ADAMTS17: variants seen among roughly 807,000 people sequenced by gnomAD.
The protein encoded by ADAMTS17 is A disintegrin and metalloproteinase with thrombospondin motifs 17.
Under a neutral mutation model 141.5 loss-of-function variants are expected in ADAMTS17, and 113 were observed. That is an observed-to-expected ratio of 0.80 (90% confidence interval 0.69 to 0.93). ADAMTS17 has a LOEUF of 0.93. Ranked by LOEUF, ADAMTS17 falls within the 40% of genes least tolerant of loss-of-function variation. The probability of loss-of-function intolerance (pLI) is 0.00; values close to 1 mark genes in which losing one functional copy is unlikely to be tolerated. For synonymous variants in ADAMTS17, 768 were observed against 630.6 expected (o/e 1.22, Z -3.27); for missense variants, 1,659 against 1,517.9 (o/e 1.09, Z -1.54).
chr15:100,341,022 G>A lies in ADAMTS17; in HGVS notation c.450+17C>T. The A allele has an allele frequency of 1.3e-6, 2 of 1,523,570 alleles. No individual in the cohort carries two copies. The highest frequency in any genetic ancestry group is 1.8e-6 in the Non-Finnish European group (2 of 1,140,314). The allele number at this position is 1,523,570 out of a possible 1,614,324, so 94.4% of individuals were successfully genotyped here. On this transcript the variant is annotated intron_variant, in intron 2 of 21. Transcript: ENST00000268070. ...AACAGACCGGACGGGCCGACCCGGA[G>A]GTGGCGCGGGCAGTACCAGGCCGCC... is the stretch of plus-strand genomic sequence containing the variant.
chr15:100,325,850 A>G lies in ADAMTS17; in HGVS notation c.616+5039T>C, dbSNP rs2045883602. ...GTATTCCTTCAGGCAACACAAATCG[A>G]CTAACACAATAGCCATCTGCAAGCC... On this transcript the variant is annotated intron_variant, in intron 3 of 21. Transcript: ENST00000268070. Among the ~76,000 whole-genome samples the G allele has an allele frequency of 2.6e-5, 4 of 152,180 alleles. No homozygotes were observed. The South Asian group carries it at 8.3e-4, about 31-fold the overall frequency.
At chr15:100,086,936 A>G (rs2035142862) in intron 15 of ADAMTS17, among the ~76,000 whole-genome samples, 2 of 152,342 alleles carry the variant, frequency 1.3e-5, no homozygotes, top group African/African-American at 4.8e-5. Context: ...AAAGAACCAG[A>G]GAATCAAGAG....
intron 10 of ADAMTS17, among the ~76,000 whole-genome samples, chr15:100,142,934 T>C (rs2038729580): frequency 6.6e-6 from 1 of 152,238 alleles, no homozygotes; most frequent in Non-Finnish European, 1.5e-5. Context: ...GTGAATGCTA[T>C]GACATACAGG....
chr15:100,129,448 G>A (rs557380749), intron 12 of ADAMTS17: 1 of 152,458 alleles, frequency 6.6e-6, no homozygotes, highest in African/African-American at 2.4e-5. Context: ...GGCGCTATAA[G>A]AAGTCATGCT....
intron 18 of ADAMTS17, among the ~76,000 whole-genome samples, chr15:100,005,390 C>T (rs2061018081): frequency 6.6e-6 from 1 of 152,178 alleles, no homozygotes; most frequent in Admixed American, 6.5e-5. Flanking sequence ...CTCCTGGAGA[C>T]TCCAGGGAAG....
chr15:100,294,579 G>A lies in ADAMTS17; in HGVS notation c.617-13178C>T, dbSNP rs952727523. On this transcript the variant is annotated intron_variant, in intron 3 of 21. Coordinates refer to ENST00000268070, the MANE Select transcript of ADAMTS17 (RefSeq NM_139057.4). The stretch of plus-strand genomic sequence containing the variant: ...AAAAAAAAGCTGGGGATGGTGGCAC[G>A]TGCTTGTAGTCCCGGCGACTCAGGA... 1.6e-4 allele frequency among the ~76,000 whole-genome samples: 24 copies of A among 151,584 alleles called. 1 individual carries two copies. In the South Asian group the frequency reaches 1.9e-3, roughly 12 times the overall value.
At chr15:100,132,508 G>A (rs530885543) in intron 11 of ADAMTS17, among the ~76,000 whole-genome samples, 2 of 152,336 alleles carry the variant, frequency 1.3e-5, no homozygotes, top group South Asian at 2.1e-4. Flanking sequence ...GGCATGCCCC[G>A]GTTGAGGTTG....
intron 15 of ADAMTS17, among the ~76,000 whole-genome samples, chr15:100,083,174 T>C (rs564412637): frequency 1.4e-4 from 22 of 152,326 alleles, no homozygotes; most frequent in Admixed American, 2.0e-4. Flanking sequence ...AGGGCCTGGT[T>C]TGCCATACTC....
chr15:99,994,707 C>T (rs2060763456), intron 19 of ADAMTS17, among the ~76,000 whole-genome samples: 1 of 152,160 alleles, frequency 6.6e-6, no homozygotes, highest in African/African-American at 2.4e-5. Context: ...GCTGGGATTA[C>T]AGGCGCCCAT....
intron 8 of ADAMTS17, among the ~76,000 whole-genome samples, chr15:100,160,576 G>A (rs2039644310): frequency 6.6e-6 from 1 of 152,342 alleles, no homozygotes; most frequent in Non-Finnish European, 1.5e-5. Flanking sequence ...GAGACACACA[G>A]GATGGTTACA....
At chr15:100,264,243 C>T (rs2043631884) in intron 4 of ADAMTS17, among the ~76,000 whole-genome samples, 1 of 152,176 alleles carries the variant, frequency 6.6e-6, no homozygotes, top group Non-Finnish European at 1.5e-5. Flanking sequence ...GTCCTATCCC[C>T]AAGCCTGGGG....
intron 3 of ADAMTS17, among the ~76,000 whole-genome samples, chr15:100,300,447 C>T (rs775035581): frequency 3.3e-5 from 5 of 152,210 alleles, no homozygotes; most frequent in Admixed American, 6.5e-5. Flanking sequence ...TTCTGACCCA[C>T]AGTGATATGG....
chr15:100,141,434 TAA>T (rs539940829), intron 10 of ADAMTS17, among the ~76,000 whole-genome samples: 76 of 152,270 alleles, frequency 5.0e-4, no homozygotes, highest in South Asian at 3.5e-3. Context: ...GATGCTTATA[TAA>T]AGTCTCTCAA....
chr15:100,292,138 G>C (rs1366138930), intron 3 of ADAMTS17, among the ~76,000 whole-genome samples: 1 of 150,462 alleles, frequency 6.6e-6, no homozygotes, highest in East Asian at 2.0e-4. Flanking sequence ...CAGCCCGTGG[G>C]GAGTCACGAG....
At chr15:100,193,423 C>T (rs2040992196) in intron 8 of ADAMTS17, among the ~76,000 whole-genome samples, 1 of 152,098 alleles carries the variant, frequency 6.6e-6, no homozygotes, top group Non-Finnish European at 1.5e-5. Flanking sequence ...CAGCCGGGCT[C>T]AGCACTGGGG....
chr15:100,269,838 G>A (rs142565807), intron 4 of ADAMTS17, among the ~76,000 whole-genome samples: 60 of 152,184 alleles, frequency 3.9e-4, no homozygotes, highest in African/African-American at 1.3e-3. Flanking sequence ...TTGGAGACTC[G>A]GTCTTCATTT....
At chr15:100,003,972 A>C (rs2727124) in intron 18 of ADAMTS17, among the ~76,000 whole-genome samples, 12,606 of 152,214 alleles carry the variant, frequency 0.083, 1,616 homozygotes, top group African/African-American at 0.27. Context: ...GAATGTACTT[A>C]CTGCCACTGA....
At chr15:100,246,786 GC>G (rs1265011167) in intron 7 of ADAMTS17, among the ~76,000 whole-genome samples, 1 of 152,036 alleles carries the variant, frequency 6.6e-6, no homozygotes, top group Non-Finnish European at 1.5e-5. Flanking sequence ...TTTGCTACAG[GC>G]TAGTGATATT....
At position 100,152,370 on chromosome 15, in the gene ADAMTS17, C is replaced by T. The variant is rs554109857; in HGVS notation, c.1473+242G>A. Among the ~76,000 whole-genome samples, 9 of 151,896 alleles carry T rather than the reference C, an allele frequency of 5.9e-5. No homozygotes were observed. In the South Asian group the frequency reaches 1.9e-3, roughly 32 times the overall value. ...GTGTGTAGATGTGTGCCTGCAACTG[C>T]ATGTGTAGGTGTGTATGTGTGTATG... is the stretch of plus-strand genomic sequence containing the variant. On this transcript the variant is annotated intron_variant, in intron 10 of 21. Coordinates refer to ENST00000268070, the MANE Select transcript of ADAMTS17 (RefSeq NM_139057.4).
Sources: gnomAD v4.1 joint callset for allele counts (sites outside exome capture counted in the v4.1 genomes callset) on GRCh38, gnomAD v4.1.1 for gene constraint, MANE v1.5 for transcripts, NCBI Gene and HGNC (gene_info 2026-07-23, HGNC 2026-07-21) for gene names.